The following GLP2R variants were observed in gnomAD, a reference collection of about 807,000 sequenced individuals.
GLP2R encodes glucagon like peptide 2 receptor.
Under a neutral mutation model 68.2 loss-of-function variants are expected in GLP2R, and 59 were observed. The observed-to-expected ratio is 0.87, with a 90% CI of 0.70 to 1.07. GLP2R has a LOEUF of 1.07. Among genes scored for constraint, GLP2R ranks in the 50% least tolerant of loss-of-function variants. The probability of loss-of-function intolerance (pLI) is 0.00; values close to 1 mark genes in which losing one functional copy is unlikely to be tolerated. For synonymous variants in GLP2R, 270 were observed against 265.4 expected (o/e 1.02, Z -0.17); for missense variants, 548 against 677.4 (o/e 0.81, Z 2.12).
intron 1 of GLP2R, among the ~76,000 whole-genome samples, chr17:9,831,236 A>T (rs2066676761): frequency 6.6e-6 from 1 of 152,216 alleles, no homozygotes; most frequent in Non-Finnish European, 1.5e-5. Flanking sequence ...AAGCCAAATG[A>T]TTAACTGGGT....
chr17:9,888,108 T>A (rs978014303), intron 12 of GLP2R, 135 bp downstream of exon 12: 2 of 774,332 alleles, frequency 2.6e-6, no homozygotes, highest in African/African-American at 1.7e-5. Context: ...GACAAATTTG[T>A]ATTGTGAGCT....
At chr17:9,836,039 C>CAAAAAAAAAAAAA (rs10706067) in intron 2 of GLP2R, among the ~76,000 whole-genome samples, 1 of 87,202 alleles carries the variant, frequency 1.1e-5, no homozygotes, top group Non-Finnish European at 2.2e-5. Context: ...ACTCCATCTC[C>CAAAAAAAAAAAAA]AAAAAAAAAA....
At chr17:9,828,269 C>T (rs1008255079) in intron 1 of GLP2R, among the ~76,000 whole-genome samples, 2 of 152,220 alleles carry the variant, frequency 1.3e-5, no homozygotes. Context: ...CAGCCTCTCC[C>T]CCAGTGACCA....
At chr17:9,832,599 C>T (rs962078216) in intron 1 of GLP2R, among the ~76,000 whole-genome samples, 8 of 152,054 alleles carry the variant, frequency 5.3e-5, no homozygotes, top group South Asian at 2.1e-4. Context: ...AGCATGGGGG[C>T]ATGTGCCTGT....
At chr17:9,833,445 G>A (rs909531787) in intron 1 of GLP2R, among the ~76,000 whole-genome samples, 15 of 152,300 alleles carry the variant, frequency 9.8e-5, no homozygotes, top group Admixed American at 2.6e-4. Flanking sequence ...ACATTGTTGC[G>A]TCTTAGTGTG....
intron 10 of GLP2R, among the ~76,000 whole-genome samples, chr17:9,873,626 G>A (rs2067117946): frequency 7.6e-6 from 1 of 131,690 alleles, no homozygotes; most frequent in Non-Finnish European, 1.6e-5. Context: ...ATGGGGCCCA[G>A]GACAACTCTT....
At chr17:9,870,100 G>A (rs2067078829) in intron 9 of GLP2R, among the ~76,000 whole-genome samples, 1 of 152,212 alleles carries the variant, frequency 6.6e-6, no homozygotes, top group Non-Finnish European at 1.5e-5. Flanking sequence ...CTTTACAGAA[G>A]AGAGGCAGAA....
Position 9,833,863 on chromosome 17 carries a change from A to G in GLP2R, c.246A>G (p.Ala82=). ...TTRKWAQYKQ[A]CLRDLLKEPS... ...GGAAGTGGGCTCAGTACAAACAGGC[A>G]TGTCTGAGAGACTTACTCAAGGAAC... is the stretch of plus-strand genomic sequence containing the variant. Residue 82 remains alanine, a synonymous_variant, in exon 2 of 13, where the codon GCA becomes GCG. Transcript: ENST00000262441. The G allele has an allele frequency of 3.7e-6, 6 of 1,612,912 alleles. No individual in the cohort carries two copies. The highest frequency in any genetic ancestry group is 5.1e-6 in the Non-Finnish European group (6 of 1,178,866).
intron 3 of GLP2R, among the ~76,000 whole-genome samples, chr17:9,837,763 C>G (rs1186710288): frequency 6.6e-6 from 1 of 152,102 alleles, no homozygotes; most frequent in Non-Finnish European, 1.5e-5. Context: ...ATTCCTGTTG[C>G]CTTTTACCAC....
rs2066991595 is a variant in GLP2R at position 9,862,018 on chromosome 17, T to C, written c.987-3T>C. 6.2e-7 allele frequency: 1 copy of C among 1,607,590 alleles called. No homozygotes were observed. On this transcript the variant is annotated splice_polypyrimidine_tract_variant and splice_region_variant and intron_variant, in intron 8 of 12. Transcript: ENST00000262441. ...TACTGCCTGCTTCTACTGTTGACCT[T>C]AGGTGCTGGACAACAAATGGGAATA...
At chr17:9,846,396 G>C (rs2066839082) in intron 4 of GLP2R, among the ~76,000 whole-genome samples, 1 of 152,170 alleles carries the variant, frequency 6.6e-6, no homozygotes, top group African/African-American at 2.4e-5. Context: ...TGGGAGGGTT[G>C]CTGGAGCCCA....
Position 9,859,638 on chromosome 17 carries a change from T to A in GLP2R, c.766-304T>A, listed in dbSNP as rs201599330. 8.3e-3 allele frequency among the ~76,000 whole-genome samples: 877 copies of A among 106,240 alleles called. 4 individuals carry two copies. Among genetic ancestry groups the A allele is most frequent in the African/African-American group, 0.019 (552 of 29,504 alleles). 69.7% of individuals were successfully genotyped at this position (106,240 alleles called of 152,430 possible). On this transcript the variant is annotated intron_variant, in intron 6 of 12. Transcript: ENST00000262441. ...AAACCCTGTGTCTACTAAAAAAAAATATATATATATATATACATACATATA... is the reference window on the plus strand; with the variant it reads ...AAACCCTGTGTCTACTAAAAAAAAAAATATATATATATATACATACATATA...
At chr17:9,852,058 TTG>T (rs199621977) in intron 4 of GLP2R, among the ~76,000 whole-genome samples, 2,144 of 121,720 alleles carry the variant, frequency 0.018, 25 homozygotes, top group Non-Finnish European at 0.023. Flanking sequence ...GTTTTTTTTT[TTG>T]TTTTTTTTTT....
At chr17:9,887,062 C>T (rs576943021) in intron 11 of GLP2R, among the ~76,000 whole-genome samples, 6 of 152,212 alleles carry the variant, frequency 3.9e-5, no homozygotes, top group African/African-American at 7.2e-5. Context: ...CTGAGAAAGA[C>T]AATGGAAACA....
At chr17:9,849,873 A>G (rs182313241) in intron 4 of GLP2R, among the ~76,000 whole-genome samples, 13 of 152,200 alleles carry the variant, frequency 8.5e-5, no homozygotes, top group African/African-American at 3.1e-4. Context: ...TCGGCCTCCC[A>G]AAGTGCTGGG....
intron 3 of GLP2R, among the ~76,000 whole-genome samples, chr17:9,839,282 G>C (rs982630971): frequency 5.3e-5 from 8 of 152,142 alleles, no homozygotes; most frequent in Admixed American, 2.0e-4. Flanking sequence ...AGGGCAGAGA[G>C]AAGGAGAAAG....
At chr17:9,869,843 G>C (rs977033871) in intron 9 of GLP2R, among the ~76,000 whole-genome samples, 3 of 152,210 alleles carry the variant, frequency 2.0e-5, no homozygotes, top group African/African-American at 7.2e-5. Context: ...TTCGTTAAGT[G>C]CAAGTAACTA....
intron 12 of GLP2R, 133 bp downstream of exon 12, chr17:9,888,106 T>G: frequency 2.6e-6 from 2 of 780,032 alleles, no homozygotes; most frequent in Non-Finnish European, 4.7e-6. Flanking sequence ...GGGACAAATT[T>G]GTATTGTGAG....
intron 1 of GLP2R, 74 bp from the exon 2 acceptor site, chr17:9,833,733 A>C: frequency 1.2e-6 from 1 of 865,422 alleles, no homozygotes; most frequent in Non-Finnish European, 1.9e-6. Flanking sequence ...AGGTTGGAGA[A>C]TCATGGTGTG....
Sources: allele counts gnomAD v4.1 joint callset (sites outside exome capture counted in the v4.1 genomes callset), GRCh38; gene constraint gnomAD v4.1.1; transcripts MANE v1.5; gene names NCBI Gene and HGNC (gene_info 2026-07-23, HGNC 2026-07-21).